Variants in CLVS1 observed in about 807,000 individuals in gnomAD.
CLVS1 encodes the protein clavesin 1.
In CLVS1, 10 loss-of-function variants were observed where a neutral mutation model predicts 33.1. That is an observed-to-expected ratio of 0.30 (90% CI 0.19 to 0.51). The LOEUF (loss-of-function observed/expected upper bound fraction) is 0.51, where lower values mean the gene tolerates loss of function less well. CLVS1 is among the 20% of genes least tolerant of loss of function. The probability of loss-of-function intolerance (pLI) is 0.97; values close to 1 mark genes in which losing one functional copy is unlikely to be tolerated. For missense variants in CLVS1, 343 were observed against 433.4 expected (o/e 0.79, Z 1.85); for synonymous variants, 163 against 166.1 (o/e 0.98, Z 0.14).
chr8:61,479,394 A>C (rs549781027), intron 5 of CLVS1, among the ~76,000 whole-genome samples: 1 of 152,206 alleles, frequency 6.6e-6, no homozygotes, highest in Non-Finnish European at 1.5e-5. Flanking sequence ...AGGCTTGTGC[A>C]TTCATCACAT....
rs372924927 is a variant in CLVS1 at position 61,240,506 on chromosome 8, G to A, written c.-151-59171G>A. Among the ~76,000 whole-genome samples, 20 of 152,250 alleles carry A rather than the reference G, an allele frequency of 1.3e-4. 1 individual carries two copies. In the East Asian group the frequency reaches 2.7e-3, roughly 21 times the overall value. ...GTCAAACAATTTCTATGTGAAACAC[G>A]CTGATTTATTTGTACATGTCTATTT... On this transcript the variant is annotated intron_variant, in intron 2 of 2. Coordinates refer to the CLVS1 transcript ENST00000522621.
At chr8:61,247,200 A>G (rs545903883) in intron 2 of CLVS1, among the ~76,000 whole-genome samples, 63 of 152,164 alleles carry the variant, frequency 4.1e-4, no homozygotes, top group Non-Finnish European at 7.9e-4. Context: ...TCTGTCATTG[A>G]TGAGCATTTA....
At chr8:61,041,982 C>A in the CLVS1 span, among the ~76,000 whole-genome samples, 1 of 151,894 alleles carries the variant, frequency 6.6e-6, no homozygotes, top group Non-Finnish European at 1.5e-5. Flanking sequence ...TTGAATTATA[C>A]GAGAAAAAAA....
chr8:61,229,943 A>G (rs928128629), intron 2 of CLVS1, among the ~76,000 whole-genome samples: 2 of 152,178 alleles, frequency 1.3e-5, no homozygotes, highest in Non-Finnish European at 2.9e-5. Context: ...GCACATTTCT[A>G]ACAGCCTTCA....
At chr8:61,216,107 CT>C (rs1808080456) in intron 2 of CLVS1, among the ~76,000 whole-genome samples, 1 of 152,180 alleles carries the variant, frequency 6.6e-6, no homozygotes, top group Non-Finnish European at 1.5e-5. Context: ...ATTGAGATTT[CT>C]TTATGGTCAT....
the CLVS1 span, among the ~76,000 whole-genome samples, chr8:60,979,861 CTT>C: frequency 1.3e-5 from 2 of 152,164 alleles, no homozygotes; most frequent in East Asian, 1.9e-4. Context: ...TTGTAGAACT[CTT>C]TTGGAAAATA....
chr8:61,084,433 A>G (rs546243306), intron 1 of CLVS1, among the ~76,000 whole-genome samples: 1 of 152,232 alleles, frequency 6.6e-6, no homozygotes, highest in South Asian at 2.1e-4. Context: ...GAATTTGGCA[A>G]TATTTTTGAT....
intron 2 of CLVS1, among the ~76,000 whole-genome samples, chr8:61,357,522 T>TTTTTTTTTTTTTTTTTTTTG (rs1812784000): frequency 7.5e-6 from 1 of 132,630 alleles, no homozygotes; most frequent in Non-Finnish European, 1.6e-5. Flanking sequence ...TTTTTTTTTT[T>TTTTTTTTTTTTTTTTTTTTG]GAGATGGAGT....
At chr8:61,339,798 A>AAGAG (rs1554561123) in intron 2 of CLVS1, among the ~76,000 whole-genome samples, 2 of 148,848 alleles carry the variant, frequency 1.3e-5, no homozygotes, top group African/African-American at 5.0e-5. Context: ...AAAGAGAAAA[A>AAGAG]AGAGAGGAAG....
chr8:60,990,312 T>C, the CLVS1 span, among the ~76,000 whole-genome samples: 1 of 152,074 alleles, frequency 6.6e-6, no homozygotes, highest in Non-Finnish European at 1.5e-5. Context: ...GTCTGGACAA[T>C]AGATGCTGCT....
intron 2 of CLVS1, among the ~76,000 whole-genome samples, chr8:61,319,089 A>G (rs903521392): frequency 3.9e-5 from 6 of 152,146 alleles, no homozygotes; most frequent in Admixed American, 1.3e-4. Flanking sequence ...AATTAGCTAT[A>G]GTCCTGGATG....
chr8:61,404,679 G>C (rs190786141), intron 3 of CLVS1, among the ~76,000 whole-genome samples: 7 of 152,324 alleles, frequency 4.6e-5, no homozygotes, highest in Admixed American at 1.3e-4. Context: ...AAATTAAAGA[G>C]AGGGAAATGG....
chr8:61,366,282 G>T (rs1013337908), intron 2 of CLVS1, among the ~76,000 whole-genome samples: 3 of 152,238 alleles, frequency 2.0e-5, no homozygotes, highest in Middle Eastern at 3.4e-3. Context: ...TTTCCCAATG[G>T]CTAAGAGTCT....
chr8:61,297,037 T>G (rs1393639354), intron 1 of CLVS1, among the ~76,000 whole-genome samples: 3 of 151,832 alleles, frequency 2.0e-5, no homozygotes. Context: ...CAAAGAGGAG[T>G]CAATCAGTGG....
intron 2 of CLVS1, among the ~76,000 whole-genome samples, chr8:61,158,247 T>C (rs1035673760): frequency 2.0e-5 from 3 of 152,230 alleles, no homozygotes; most frequent in Non-Finnish European, 4.4e-5. Context: ...ATTCTACTCA[T>C]ATAAGATTCG....
rs747902837 is a variant in CLVS1 at position 61,458,565 on chromosome 8, C to G, written c.977+23C>G. 2.1e-5 allele frequency: 29 copies of G among 1,351,302 alleles called. No homozygotes were observed. The Middle Eastern group carries it at 1.0e-3, about 48-fold the overall frequency. 83.7% of individuals were successfully genotyped at this position (1,351,302 alleles called of 1,614,324 possible). A position where few individuals can be genotyped will look rare whatever the true frequency, so the allele number is the denominator to read the frequency against. On this transcript the variant is annotated intron_variant, in intron 5 of 5. Coordinates refer to ENST00000325897, the MANE Select transcript of CLVS1 (RefSeq NM_173519.3). ...AAGGTAAGGCCTGGGTTATCAGAGCCCCCCCCCCAGTCAGAGGTCAATGGA... is the reference window on the plus strand; with the variant it reads ...AAGGTAAGGCCTGGGTTATCAGAGCGCCCCCCCCAGTCAGAGGTCAATGGA...
the CLVS1 span, chr8:60,967,527 G>C: frequency 2.5e-6 from 1 of 396,420 alleles, no homozygotes; most frequent in South Asian, 1.8e-5. Context: ...CCAGCAGAAG[G>C]GGACGGCTTG....
chr8:61,172,895 A>G (rs1278249981), intron 2 of CLVS1, among the ~76,000 whole-genome samples: 1 of 152,136 alleles, frequency 6.6e-6, no homozygotes, highest in African/African-American at 2.4e-5. Flanking sequence ...TCCATGAGGC[A>G]TTTCTTTGCT....
At chr8:61,171,476 A>C (rs1240171552) in intron 2 of CLVS1, among the ~76,000 whole-genome samples, 2 of 152,202 alleles carry the variant, frequency 1.3e-5, no homozygotes, top group Non-Finnish European at 2.9e-5. Flanking sequence ...GAATGTAAAT[A>C]ACCTACTTTG....
Sources: allele counts gnomAD v4.1 joint callset (sites outside exome capture counted in the v4.1 genomes callset), GRCh38; gene constraint gnomAD v4.1.1; transcripts MANE v1.5; gene names NCBI Gene and HGNC (gene_info 2026-07-23, HGNC 2026-07-21).